CDK6: variants seen among roughly 807,000 people sequenced by gnomAD.
CDK6 encodes the protein cyclin-dependent kinase 6.
A neutral mutation model predicts 37.1 loss-of-function variants in CDK6; 6 were observed. That is an observed-to-expected ratio of 0.16 (90% confidence interval 0.09 to 0.32). The LOEUF (loss-of-function observed/expected upper bound fraction) is 0.32. Among genes scored for constraint, CDK6 ranks in the 10% least tolerant of loss-of-function variants. The probability of loss-of-function intolerance (pLI) is 1.00; values close to 1 mark genes in which losing one functional copy is unlikely to be tolerated. For synonymous variants in CDK6, 160 were observed against 161.3 expected (o/e 0.99, Z 0.06); for missense variants, 224 against 418.9 (o/e 0.53, Z 4.06).
At chr7:92,761,999 A>G (rs1799467248) in intron 3 of CDK6, among the ~76,000 whole-genome samples, 1 of 152,268 alleles carries the variant, frequency 6.6e-6, no homozygotes, top group Admixed American at 6.5e-5. Context: ...TGTCAAAGAC[A>G]AAACTTAACT....
At chr7:92,731,512 G>T (rs1798649503) in intron 3 of CDK6, among the ~76,000 whole-genome samples, 1 of 152,168 alleles carries the variant, frequency 6.6e-6, no homozygotes, top group African/African-American at 2.4e-5. Context: ...TGATGAGTCA[G>T]GCACACATCA....
At chr7:92,727,375 T>C (rs1384352438) in intron 3 of CDK6, among the ~76,000 whole-genome samples, 2 of 152,164 alleles carry the variant, frequency 1.3e-5, no homozygotes, top group Non-Finnish European at 2.9e-5. Context: ...TCCTTTAGAG[T>C]TCGGAGTTCT....
At chr7:92,820,406 G>A (rs1412084012) in intron 2 of CDK6, among the ~76,000 whole-genome samples, 1 of 152,140 alleles carries the variant, frequency 6.6e-6, no homozygotes, top group African/African-American at 2.4e-5. Flanking sequence ...CTGTTTACCA[G>A]TGTTCAACTT....
At chr7:92,783,114 C>A (rs1407121653) in intron 2 of CDK6, among the ~76,000 whole-genome samples, 1 of 152,004 alleles carries the variant, frequency 6.6e-6, no homozygotes, top group Non-Finnish European at 1.5e-5. Flanking sequence ...CCTGATCTGA[C>A]CATAGAGACA....
intron 2 of CDK6, among the ~76,000 whole-genome samples, chr7:92,827,865 T>C (rs967978908): frequency 1.3e-5 from 2 of 152,130 alleles, no homozygotes; most frequent in Non-Finnish European, 1.5e-5. Context: ...GAAAGAACAA[T>C]AGTGTGATTA....
intron 5 of CDK6, among the ~76,000 whole-genome samples, chr7:92,625,013 T>C (rs898130730): frequency 2.6e-5 from 4 of 152,086 alleles, no homozygotes; most frequent in Non-Finnish European, 5.9e-5. Flanking sequence ...TGTTTGGCGA[T>C]GGACTGTCCT....
At chr7:92,652,830 T>C (rs1456637989) in intron 5 of CDK6, among the ~76,000 whole-genome samples, 1 of 152,216 alleles carries the variant, frequency 6.6e-6, no homozygotes, top group Non-Finnish European at 1.5e-5. Context: ...CATCCTGTTC[T>C]TGATGTATGG....
intron 2 of CDK6, among the ~76,000 whole-genome samples, chr7:92,815,040 A>AC (rs1800991499): frequency 1.3e-5 from 2 of 152,198 alleles, no homozygotes; most frequent in African/African-American, 4.8e-5. Context: ...TGGAGGAAGC[A>AC]GAAGCTGGAC....
intron 4 of CDK6, chr7:92,725,411 A>G: frequency 1.2e-6 from 1 of 810,856 alleles, no homozygotes; most frequent in South Asian, 5.6e-5. Flanking sequence ...CTATTTCTGC[A>G]ATGGATCCTG....
intron 5 of CDK6, among the ~76,000 whole-genome samples, chr7:92,660,036 T>A (rs538910767): frequency 6.6e-6 from 1 of 152,188 alleles, no homozygotes; most frequent in South Asian, 2.1e-4. Context: ...GATGTGGTAT[T>A]TCAGCCTCTC....
At chr7:92,684,488 T>C (rs539733821) in intron 4 of CDK6, among the ~76,000 whole-genome samples, 65 of 151,770 alleles carry the variant, frequency 4.3e-4, no homozygotes, top group Non-Finnish European at 7.7e-4. Flanking sequence ...GTAGGGAAGG[T>C]TTGCCTACCC....
Position 92,725,891 on chromosome 7 carries a change from G to C in CDK6, c.370-98C>G, listed in dbSNP as rs1328285695. ...AATCCTTAGCATTTTGTGGCTGCTTGGCATGCGGCAGGCATTTGACAGGTA... is the reference window on the plus strand; with the variant it reads ...AATCCTTAGCATTTTGTGGCTGCTTCGCATGCGGCAGGCATTTGACAGGTA... On this transcript the variant is annotated intron_variant, in intron 3 of 7. Transcript: ENST00000424848. The C allele has an allele frequency of 7.5e-6, 8 of 1,072,302 alleles. No individual in the cohort carries two copies. In the Admixed American group the frequency reaches 1.5e-4, roughly 20 times the overall value. 66.4% of individuals were successfully genotyped at this position (1,072,302 alleles called of 1,614,324 possible). A position where few individuals can be genotyped will look rare whatever the true frequency, so the allele number is the denominator to read the frequency against.
At chr7:92,678,260 G>C (rs1010100796) in intron 4 of CDK6, among the ~76,000 whole-genome samples, 7 of 152,112 alleles carry the variant, frequency 4.6e-5, no homozygotes, top group African/African-American at 1.7e-4. Context: ...AACAAAAGTC[G>C]CTACTAATGG....
chr7:92,678,008 G>C (rs999874268), intron 4 of CDK6, among the ~76,000 whole-genome samples: 2 of 152,310 alleles, frequency 1.3e-5, no homozygotes, highest in Non-Finnish European at 2.9e-5. Flanking sequence ...ACCAGTTTAA[G>C]TCATGCATGA....
At chr7:92,771,732 T>G (rs983547518) in intron 3 of CDK6, among the ~76,000 whole-genome samples, 2 of 152,212 alleles carry the variant, frequency 1.3e-5, no homozygotes, top group Non-Finnish European at 2.9e-5. Context: ...TCAATAAATA[T>G]CTGTACGAGT....
chr7:92,802,106 G>A (rs528700495), intron 2 of CDK6, among the ~76,000 whole-genome samples: 1 of 151,580 alleles, frequency 6.6e-6, no homozygotes, highest in East Asian at 1.9e-4. Flanking sequence ...TGAAGTCAGG[G>A]TCTTCAGTGC....
At chr7:92,644,249 G>C (rs1045608383) in intron 5 of CDK6, among the ~76,000 whole-genome samples, 30 of 152,252 alleles carry the variant, frequency 2.0e-4, no homozygotes, top group African/African-American at 5.8e-4. Context: ...GGGAGACCTA[G>C]GGTCCCTTTC....
intron 5 of CDK6, among the ~76,000 whole-genome samples, chr7:92,641,494 T>A (rs562394783): frequency 6.6e-6 from 1 of 152,228 alleles, no homozygotes; most frequent in Non-Finnish European, 1.5e-5. Flanking sequence ...GTTCCCATAT[T>A]TTTTGAGCAT....
Position 92,613,490 on chromosome 7 carries a change from G to A in CDK6, c.*1650C>T, listed in dbSNP as rs1335401711. On this transcript the variant is annotated 3_prime_UTR_variant, in exon 8 of 8. Transcript: ENST00000424848. ...AACTGAGCACTAAACCACTTATAAG[G>A]CAGAGATGGTATGAAATATAAAGGA... is the stretch of plus-strand genomic sequence containing the variant. The A allele has an allele frequency of 4.3e-6, 1 of 233,414 alleles. No individual in the cohort carries two copies. The highest frequency in any genetic ancestry group is 5.6e-5 in the Admixed American group (1 of 17,762). The allele number at this position is 233,414 out of a possible 1,614,324, so 14.5% of individuals were successfully genotyped here.
Sources: gnomAD v4.1 joint callset for allele counts (sites outside exome capture counted in the v4.1 genomes callset) on GRCh38, gnomAD v4.1.1 for gene constraint, MANE v1.5 for transcripts, NCBI Gene and HGNC (gene_info 2026-07-23, HGNC 2026-07-21) for gene names.